TECTA: variants seen among roughly 807,000 people sequenced by gnomAD.
The protein encoded by TECTA is tectorin alpha, also known as alpha-tectorin.
A neutral mutation model predicts 216.8 loss-of-function variants in TECTA; 128 were observed. The observed-to-expected ratio is 0.59, with a 90% CI of 0.51 to 0.68. TECTA has a LOEUF of 0.68. Among genes scored for constraint, TECTA ranks in the 30% least tolerant of loss-of-function variants. The pLI is 0.00. For missense variants in TECTA, 2,551 were observed against 2,786.2 expected (o/e 0.92, Z 1.90); for synonymous variants, 1,089 against 1,117.1 (o/e 0.97, Z 0.50).
chr11:121,175,268 C>A (rs887289867), intron 20 of TECTA, among the ~76,000 whole-genome samples: 3 of 151,420 alleles, frequency 2.0e-5, no homozygotes, highest in East Asian at 1.9e-4. Context: ...TTTTCTAGTT[C>A]TTTTAATTGT....
rs537778410 is a variant in TECTA at position 121,176,180 on chromosome 11, C to A, written c.5999+7255C>A. Among the ~76,000 whole-genome samples, 852 of 151,450 alleles carry A rather than the reference C, an allele frequency of 5.6e-3. 8 individuals are homozygous for A. The highest frequency in any genetic ancestry group is 0.02 in the African/African-American group (806 of 40,968). ...TGTCTTTTAATTGGAGTATTTAGTC[C>A]ATTTACATTTAAAGTTAATATTGTT... On this transcript the variant is annotated intron_variant, in intron 20 of 23. Coordinates refer to ENST00000392793, the MANE Select transcript of TECTA (RefSeq NM_005422.4).
rs1221593524 is a variant in TECTA, at chr11:121,137,281, T to C, written c.2942-140T>C. On this transcript the variant is annotated intron_variant, in intron 10 of 23. Transcript: ENST00000392793. Reference sequence around the variant, plus strand: ...ACACACACATGCATGCACAAATGCATGCATACACAAATGCATGCATGCACA... The same window carrying C: ...ACACACACATGCATGCACAAATGCACGCATACACAAATGCATGCATGCACA... 3.6e-6 allele frequency: 4 copies of C among 1,117,042 alleles called. No homozygotes were observed. The African/African-American group carries it at 6.1e-5, about 17-fold the overall frequency. 69.2% of individuals were successfully genotyped at this position (1,117,042 alleles called of 1,614,324 possible).
At chr11:121,138,265 G>A (rs1946751303) in intron 11 of TECTA, among the ~76,000 whole-genome samples, 1 of 152,224 alleles carries the variant, frequency 6.6e-6, no homozygotes, top group African/African-American at 2.4e-5. Flanking sequence ...GCCAGCTCTG[G>A]AAGCAGTGCC....
In TECTA at chr11:121,168,665, T is replaced by C; in HGVS notation, c.5751-12T>C. ...GTTTTGGATTCCTGTCTCATAATTG[T>C]TTCCGTTTTAGTGTAATTAACCTGA... is the stretch of plus-strand genomic sequence containing the variant. On this transcript the variant is annotated splice_polypyrimidine_tract_variant and intron_variant, in intron 19 of 23. Transcript: ENST00000392793. 1 of 1,614,118 alleles carries C rather than the reference T, an allele frequency of 6.2e-7. No homozygotes were observed. The highest frequency in any genetic ancestry group is 8.5e-7 in the Non-Finnish European group (1 of 1,179,970).
rs771625958 is a variant in TECTA, at chr11:121,166,581, C to A, written c.5387C>A (p.Ser1796Ter). 5 of 1,614,136 alleles carry A rather than the reference C, an allele frequency of 3.1e-6. No individual in the cohort carries two copies. In the South Asian group the frequency reaches 5.5e-5, roughly 18 times the overall value. The part of the protein sequence containing the change: ...CIEPPPYGNN[S>*]HDIIDAEVTC... The stretch of plus-strand genomic sequence containing the variant: ...TTCGTAATAACTGTTCCCACAGACT[C>A]ACATGACATTATCGATGCAGAGGTG... Residue 1796 changes from serine (S) to a stop codon, truncating the protein, a stop_gained, in exon 18 of 24, where the codon TCA (serine) becomes TAA (stop). Coordinates refer to ENST00000392793, the MANE Select transcript of TECTA (RefSeq NM_005422.4). LOFTEE classifies it high-confidence loss of function.
At chr11:121,148,939 C>T (rs550294931) in intron 12 of TECTA, among the ~76,000 whole-genome samples, 9 of 152,068 alleles carry the variant, frequency 5.9e-5, no homozygotes, top group Non-Finnish European at 1.3e-4. Context: ...TCTTTCAGTC[C>T]CTTAATCGGG....
intron 15 of TECTA, among the ~76,000 whole-genome samples, chr11:121,161,873 A>C (rs925263629): frequency 6.6e-6 from 1 of 152,038 alleles, no homozygotes; most frequent in African/African-American, 2.4e-5. Context: ...TATTTCAGTG[A>C]TATAAACAAC....
chr11:121,148,977 G>A (rs1390016900), intron 12 of TECTA, among the ~76,000 whole-genome samples: 1 of 152,194 alleles, frequency 6.6e-6, no homozygotes, highest in East Asian at 1.9e-4. Context: ...ATTAGATGGT[G>A]AGAGGAGAAA....
intron 6 of TECTA, among the ~76,000 whole-genome samples, chr11:121,115,273 C>T (rs1340844622): frequency 2.6e-5 from 4 of 152,060 alleles, no homozygotes; most frequent in Admixed American, 2.6e-4. Context: ...ACCCATCCAT[C>T]AAGTCATCCA....
chr11:121,174,622 T>G (rs1317186558), intron 20 of TECTA, among the ~76,000 whole-genome samples: 1 of 152,234 alleles, frequency 6.6e-6, no homozygotes, highest in Non-Finnish European at 1.5e-5. Flanking sequence ...TTTGCATCAA[T>G]GTTCTTCAAG....
At chr11:121,187,582 G>A (rs1018598855) in intron 20 of TECTA, among the ~76,000 whole-genome samples, 4 of 152,198 alleles carry the variant, frequency 2.6e-5, no homozygotes, top group South Asian at 2.1e-4. Context: ...CCCTGCAGTC[G>A]TTTTGTTTTT....
At chr11:121,164,912 T>C (rs1947036149) in intron 16 of TECTA, among the ~76,000 whole-genome samples, 1 of 152,240 alleles carries the variant, frequency 6.6e-6, no homozygotes, top group Admixed American at 6.5e-5. Flanking sequence ...CATTGTGTTA[T>C]AGTGTAGTAG....
intron 12 of TECTA, among the ~76,000 whole-genome samples, chr11:121,148,453 G>T (rs1233764096): frequency 6.6e-6 from 1 of 152,142 alleles, no homozygotes; most frequent in Non-Finnish European, 1.5e-5. Context: ...GGGGGAGAGG[G>T]TGTGGTTGGA....
chr11:121,168,963 C>G lies in TECTA; in HGVS notation c.5999+38C>G, dbSNP rs980574774. On this transcript the variant is annotated intron_variant, in intron 20 of 23. Coordinates refer to ENST00000392793, the MANE Select transcript of TECTA (RefSeq NM_005422.4). ...TTTATAGACAACATTCTCAGAGCTT[C>G]AGGTATAATATTGTCCTCATCATTT... The G allele has an allele frequency of 4.3e-6, 7 of 1,613,604 alleles. No individual in the cohort carries two copies. In the African/African-American group the frequency reaches 9.3e-5, roughly 22 times the overall value.
intron 16 of TECTA, among the ~76,000 whole-genome samples, chr11:121,164,442 C>T (rs889273743): frequency 1.8e-4 from 28 of 152,202 alleles, no homozygotes; most frequent in Admixed American, 1.1e-3. Flanking sequence ...ATAGGCAGAG[C>T]GATTCTTTAA....
intron 22 of TECTA, 121 bp from the exon 23 acceptor site, chr11:121,189,643 G>T: frequency 2.2e-6 from 2 of 918,622 alleles, no homozygotes; most frequent in Non-Finnish European, 3.6e-6. Context: ...CAAAGTGCTG[G>T]GATTACAGGC....
At position 121,190,931 on chromosome 11, in the gene TECTA, T is replaced by C; in HGVS notation, c.*125T>C. The C allele has an allele frequency of 1.4e-6, 1 of 739,272 alleles. No homozygotes were observed. The highest frequency in any genetic ancestry group is 2.3e-6 in the Non-Finnish European group (1 of 434,214). The allele number at this position is 739,272 out of a possible 1,614,324, so 45.8% of individuals were successfully genotyped here. Reference sequence around the variant, plus strand: ...TCCAGCATCTCAAAATGATGCCACCTGCCTCCAATGGTCCAAGGTCCAGAA... The same window carrying C: ...TCCAGCATCTCAAAATGATGCCACCCGCCTCCAATGGTCCAAGGTCCAGAA... On this transcript the variant is annotated 3_prime_UTR_variant, in exon 24 of 24. Transcript: ENST00000392793.
At position 121,163,490 on chromosome 11, in the gene TECTA, C is replaced by A. The variant is rs150284735; in HGVS notation, c.5272+1120C>A. ...TGGAGGGATAGCATTAGGAGATATA[C>A]CTAATGCTAAATGACGAGTTAATGG... On this transcript the variant is annotated intron_variant, in intron 16 of 23. Coordinates refer to ENST00000392793, the MANE Select transcript of TECTA (RefSeq NM_005422.4). Among the ~76,000 whole-genome samples the A allele has an allele frequency of 5.7e-3, 868 of 151,482 alleles. 6 individuals carry two copies. Among genetic ancestry groups the A allele is most frequent in the Middle Eastern group, 0.044 (13 of 294 alleles).
intron 21 of TECTA, among the ~76,000 whole-genome samples, chr11:121,188,676 A>G (rs551736219): frequency 1.3e-4 from 20 of 152,314 alleles, no homozygotes; most frequent in African/African-American, 4.8e-4. Flanking sequence ...TTAACATTGC[A>G]GCTTTATGCT....
Sources: allele counts gnomAD v4.1 joint callset (sites outside exome capture counted in the v4.1 genomes callset), GRCh38; gene constraint gnomAD v4.1.1; transcripts MANE v1.5; gene names NCBI Gene and HGNC (gene_info 2026-07-23, HGNC 2026-07-21).